The following NPAS3 variants were observed in gnomAD, a reference collection of about 807,000 sequenced individuals.
The protein encoded by NPAS3 is neuronal PAS domain protein 3.
Under a neutral mutation model 73.1 loss-of-function variants are expected in NPAS3, and 14 were observed. The observed-to-expected ratio is 0.19, with a 90% confidence interval of 0.13 to 0.30. The LOEUF is 0.30. NPAS3 is among the 10% of genes least tolerant of loss of function. The pLI, the probability that NPAS3 is intolerant of heterozygous loss-of-function variation, is 1.00. For missense variants in NPAS3, 1,096 were observed against 1,250.0 expected (o/e 0.88, Z 1.86); for synonymous variants, 620 against 541.5 (o/e 1.14, Z -2.01).
intron 4 of NPAS3, among the ~76,000 whole-genome samples, chr14:33,444,796 C>T (rs778137003): frequency 5.9e-5 from 9 of 152,322 alleles, no homozygotes; most frequent in Admixed American, 2.6e-4. Flanking sequence ...CCCCTTTTTC[C>T]TTCTAAAAGT....
intron 1 of NPAS3, among the ~76,000 whole-genome samples, chr14:33,040,669 G>A (rs2040320773): frequency 6.6e-6 from 1 of 152,152 alleles, no homozygotes; most frequent in Non-Finnish European, 1.5e-5. Flanking sequence ...GGGAAGCAAT[G>A]TTAAAGCCCC....
chr14:33,594,293 G>A (rs2057165586), intron 5 of NPAS3, among the ~76,000 whole-genome samples: 1 of 152,042 alleles, frequency 6.6e-6, no homozygotes, highest in African/African-American at 2.4e-5. Context: ...TGTTGTTGTT[G>A]TATTGCTATT....
At chr14:33,797,718 T>C (rs2063553862) in intron 11 of NPAS3, 137 bp downstream of exon 11, 1 of 821,058 alleles carries the variant, frequency 1.2e-6, no homozygotes, top group Non-Finnish European at 2.0e-6. Flanking sequence ...ATCAAGTTAT[T>C]ACTGAGTGTC....
intron 8 of NPAS3, among the ~76,000 whole-genome samples, chr14:33,777,151 A>C (rs1471009571): frequency 6.6e-6 from 1 of 152,190 alleles, no homozygotes; most frequent in African/African-American, 2.4e-5. Flanking sequence ...AAATTTCAGA[A>C]ACACCAGTGA....
intron 1 of NPAS3, among the ~76,000 whole-genome samples, chr14:32,960,069 G>A (rs191962102): frequency 1.5e-3 from 222 of 151,124 alleles, no homozygotes; most frequent in Non-Finnish European, 2.6e-3. Flanking sequence ...GTATGTATTA[G>A]GGAACTTTGG....
At position 33,567,288 on chromosome 14, in the gene NPAS3, G is replaced by A. The variant is rs563267830; in HGVS notation, c.558+7078G>A. Among the ~76,000 whole-genome samples, 73 of 152,264 alleles carry A rather than the reference G, an allele frequency of 4.8e-4. No individual in the cohort carries two copies. The South Asian group carries it at 7.7e-3, about 16-fold the overall frequency. On this transcript the variant is annotated intron_variant, in intron 5 of 11. Transcript: ENST00000356141. Reference sequence around the variant, plus strand: ...AACATTAATTCTGAGTGAACAAGACGTGCTTCCTTGCTTTTGACAAGATTT... The same window carrying A: ...AACATTAATTCTGAGTGAACAAGACATGCTTCCTTGCTTTTGACAAGATTT...
At chr14:33,476,488 T>G (rs1381404946) in intron 4 of NPAS3, among the ~76,000 whole-genome samples, 1 of 152,236 alleles carries the variant, frequency 6.6e-6, no homozygotes, top group Non-Finnish European at 1.5e-5. Context: ...CTTCCCTCTC[T>G]GAATGTCGGT....
intron 6 of NPAS3, among the ~76,000 whole-genome samples, chr14:33,717,841 G>A (rs142271317): frequency 0.011 from 1,617 of 152,228 alleles, 33 homozygotes; most frequent in African/African-American, 0.036. Flanking sequence ...TAAATTAAAT[G>A]TATATGTAAA....
At chr14:33,255,913 A>G (rs1412638214) in intron 3 of NPAS3, among the ~76,000 whole-genome samples, 1 of 152,248 alleles carries the variant, frequency 6.6e-6, no homozygotes, top group Non-Finnish European at 1.5e-5. Flanking sequence ...TTGTAAAGAA[A>G]AAATGATGAC....
In NPAS3 at chr14:33,698,499, A is replaced by G. The variant is rs372988686; in HGVS notation, c.733+22114A>G. Among the ~76,000 whole-genome samples the G allele has an allele frequency of 2.5e-4, 38 of 152,212 alleles. 1 individual carries two copies. The highest frequency in any genetic ancestry group is 1.5e-3 in the Admixed American group (23 of 15,282). ...CCAGCCCTCAGAAGATGCTCACAGGATGCTACAGGAATATCTTACGTTGTA... is the reference window on the plus strand; with the variant it reads ...CCAGCCCTCAGAAGATGCTCACAGGGTGCTACAGGAATATCTTACGTTGTA... On this transcript the variant is annotated intron_variant, in intron 6 of 11. Transcript: ENST00000356141.
At chr14:33,203,140 A>G (rs1424937671) in intron 2 of NPAS3, among the ~76,000 whole-genome samples, 1 of 152,242 alleles carries the variant, frequency 6.6e-6, no homozygotes, top group Admixed American at 6.5e-5. Context: ...AGCTCATGAA[A>G]TAAAGTGAGT....
intron 4 of NPAS3, among the ~76,000 whole-genome samples, chr14:33,436,401 T>A (rs2048992380): frequency 2.0e-5 from 3 of 152,198 alleles, no homozygotes; most frequent in Admixed American, 2.0e-4. Context: ...TTTAAACCTT[T>A]TGACGTTAAT....
chr14:33,138,268 G>A (rs1268250201), intron 2 of NPAS3, among the ~76,000 whole-genome samples: 2 of 137,770 alleles, frequency 1.5e-5, no homozygotes, highest in African/African-American at 5.5e-5. Flanking sequence ...TCACTTTCTT[G>A]ATGGGAGTTT....
chr14:33,411,478 C>T (rs146160655), intron 4 of NPAS3, among the ~76,000 whole-genome samples: 26 of 152,194 alleles, frequency 1.7e-4, no homozygotes, highest in Non-Finnish European at 2.5e-4. Flanking sequence ...CCACTGCACC[C>T]GGCCTGGAGG....
chr14:33,733,931 TTC>T (rs2061461311), intron 6 of NPAS3, among the ~76,000 whole-genome samples: 1 of 152,188 alleles, frequency 6.6e-6, no homozygotes, highest in African/African-American at 2.4e-5. Context: ...ATAGCAAGGT[TTC>T]TGTTATTACA....
Position 33,417,651 on chromosome 14 carries a change from A to G in NPAS3, c.468+50383A>G, listed in dbSNP as rs1443472631. 5.9e-5 allele frequency among the ~76,000 whole-genome samples: 9 copies of G among 152,008 alleles called. No homozygotes were observed. The South Asian group carries it at 1.4e-3, about 24-fold the overall frequency. ...ATATTAGACATTACCTCTCTGCTCTAAAGTCCCACCAGGTCATTGATACTA... is the reference window on the plus strand; with the variant it reads ...ATATTAGACATTACCTCTCTGCTCTGAAGTCCCACCAGGTCATTGATACTA... On this transcript the variant is annotated intron_variant, in intron 4 of 11. Transcript: ENST00000356141.
intron 2 of NPAS3, among the ~76,000 whole-genome samples, chr14:33,193,951 T>G (rs540904809): frequency 6.6e-6 from 1 of 152,310 alleles, no homozygotes; most frequent in South Asian, 2.1e-4. Context: ...GATTACATAT[T>G]TATATCAGGG....
At chr14:33,253,160 A>G (rs2048651728) in intron 3 of NPAS3, among the ~76,000 whole-genome samples, 1 of 152,126 alleles carries the variant, frequency 6.6e-6, no homozygotes, top group Admixed American at 6.6e-5. Context: ...GCCGGGTCAA[A>G]CGGTAGTTCT....
intron 6 of NPAS3, among the ~76,000 whole-genome samples, chr14:33,701,228 T>G (rs1269944738): frequency 6.6e-6 from 1 of 152,232 alleles, no homozygotes; most frequent in Non-Finnish European, 1.5e-5. Context: ...ATAACAACCC[T>G]GTGAGGTTAG....
Sources: allele counts gnomAD v4.1 joint callset (sites outside exome capture counted in the v4.1 genomes callset), GRCh38; gene constraint gnomAD v4.1.1; transcripts MANE v1.5; gene names NCBI Gene and HGNC (gene_info 2026-07-23, HGNC 2026-07-21).